The following COL25A1 variants were observed in gnomAD, a reference collection of about 807,000 sequenced individuals.
COL25A1 encodes the protein collagen alpha-1(XXV) chain.
Under a neutral mutation model 128.4 loss-of-function variants are expected in COL25A1, and 103 were observed. The observed-to-expected ratio is 0.80, with a 90% CI of 0.68 to 0.94. The LOEUF is 0.94. Ranked by LOEUF, COL25A1 falls within the 40% of genes least tolerant of loss-of-function variation. The pLI, the probability that COL25A1 is intolerant of heterozygous loss-of-function variation, is 0.00. For missense variants in COL25A1, 745 were observed against 840.0 expected, an observed-to-expected ratio of 0.89 and a Z score of 1.40; for synonymous variants, 279 against 277.2, an observed-to-expected ratio of 1.01 and a Z score of -0.06.
At chr4:108,946,581 T>C (rs1268320398) in intron 8 of COL25A1, among the ~76,000 whole-genome samples, 1 of 152,236 alleles carries the variant, frequency 6.6e-6, no homozygotes, top group African/African-American at 2.4e-5. Flanking sequence ...TACTATGCCA[T>C]GCTCTGGGGA....
chr4:109,116,693 G>A (rs1560719722), intron 3 of COL25A1, among the ~76,000 whole-genome samples: 1 of 152,052 alleles, frequency 6.6e-6, no homozygotes, highest in East Asian at 1.9e-4. Flanking sequence ...TGATAAGAAT[G>A]TTGGAATTAT....
At chr4:109,048,862 A>G (rs1179873547) in intron 4 of COL25A1, among the ~76,000 whole-genome samples, 3 of 152,120 alleles carry the variant, frequency 2.0e-5, no homozygotes, top group African/African-American at 7.2e-5. Flanking sequence ...ATCAAAGATC[A>G]TTTCTATGAT....
intron 14 of COL25A1, 46 bp from the exon 15 acceptor site, chr4:108,899,226 C>G: frequency 6.5e-7 from 1 of 1,535,410 alleles, no homozygotes; most frequent in Non-Finnish European, 8.9e-7. Flanking sequence ...CATAAAACAC[C>G]TAATTTTATT....
At chr4:109,134,886 G>C (rs775713586) in intron 3 of COL25A1, among the ~76,000 whole-genome samples, 1 of 152,082 alleles carries the variant, frequency 6.6e-6, no homozygotes, top group Non-Finnish European at 1.5e-5. Flanking sequence ...TGGATAAAAT[G>C]CAAGTAAGGA....
chr4:108,967,668 C>A (rs1202034515), intron 8 of COL25A1, among the ~76,000 whole-genome samples: 1 of 152,200 alleles, frequency 6.6e-6, no homozygotes, highest in Non-Finnish European at 1.5e-5. Context: ...CCCTGATAAT[C>A]TATCTCTCTG....
At chr4:109,220,420 C>T (rs999444943) in intron 3 of COL25A1, among the ~76,000 whole-genome samples, 1 of 152,114 alleles carries the variant, frequency 6.6e-6, no homozygotes, top group Admixed American at 6.6e-5. Context: ...GCAATTCAAA[C>T]TAGACACAAA....
chr4:108,968,708 T>C (rs1385411238), intron 8 of COL25A1, among the ~76,000 whole-genome samples: 1 of 152,198 alleles, frequency 6.6e-6, no homozygotes, highest in Non-Finnish European at 1.5e-5. Flanking sequence ...TTCAGCTGTG[T>C]AACAGTTACC....
At chr4:109,074,847 A>G (rs547132191) in intron 3 of COL25A1, among the ~76,000 whole-genome samples, 64 of 152,280 alleles carry the variant, frequency 4.2e-4, no homozygotes, top group African/African-American at 1.5e-3. Flanking sequence ...CCACTCAGAC[A>G]CCAGAAAAGC....
At chr4:108,888,168 T>G (rs1741045873) in intron 18 of COL25A1, among the ~76,000 whole-genome samples, 1 of 152,144 alleles carries the variant, frequency 6.6e-6, no homozygotes, top group Non-Finnish European at 1.5e-5. Context: ...AGAGAAATGT[T>G]AAAAGAATGT....
rs140051275 is a variant in COL25A1, at chr4:109,240,266, C to T, written c.367+60317G>A. ...CTATACTTTTGTATGACTGGAAGTG[C>T]AGTAGGTTTGTTTACACCAGCATCA... On this transcript the variant is annotated intron_variant, in intron 3 of 37. Coordinates refer to ENST00000399132, the MANE Select transcript of COL25A1 (RefSeq NM_198721.4). Among the ~76,000 whole-genome samples the T allele has an allele frequency of 5.0e-3, 757 of 152,044 alleles. 2 individuals are homozygous for T. Among genetic ancestry groups the T allele is most frequent in the Non-Finnish European group, 8.1e-3 (553 of 67,974 alleles).
intron 3 of COL25A1, among the ~76,000 whole-genome samples, chr4:109,175,678 G>A (rs545106247): frequency 4.7e-4 from 71 of 152,092 alleles, no homozygotes; most frequent in South Asian, 1.5e-3. Flanking sequence ...ATTGTTCAGC[G>A]AATAAAATAT....
intron 3 of COL25A1, among the ~76,000 whole-genome samples, chr4:109,264,410 G>A (rs188691075): frequency 5.9e-5 from 9 of 152,316 alleles, no homozygotes; most frequent in East Asian, 3.9e-4. Flanking sequence ...TGGAGTGGGG[G>A]AAACTCATTG....
chr4:108,874,436 T>C (rs1294791802), intron 19 of COL25A1, among the ~76,000 whole-genome samples: 1 of 150,824 alleles, frequency 6.6e-6, no homozygotes, highest in African/African-American at 2.4e-5. Context: ...AACATTACTT[T>C]TAATGAAGGA....
At chr4:109,301,653 C>T in intron 2 of COL25A1, 70 bp downstream of exon 2, 2 of 1,529,424 alleles carry the variant, frequency 1.3e-6, no homozygotes, top group South Asian at 1.2e-5. Flanking sequence ...AGGGTAGCGG[C>T]TAGTCATGCA....
At chr4:109,260,402 A>C (rs1387372686) in intron 3 of COL25A1, among the ~76,000 whole-genome samples, 1 of 152,186 alleles carries the variant, frequency 6.6e-6, no homozygotes, top group East Asian at 1.9e-4. Flanking sequence ...ACTCATACAA[A>C]TAACTATTAT....
Position 108,812,460 on chromosome 4 carries a change from C to G in COL25A1, c.*1467G>C, listed in dbSNP as rs555327040. On this transcript the variant is annotated 3_prime_UTR_variant, in exon 38 of 38. Transcript: ENST00000399132. ...GTCAAAACTACTTAAAAATGCATAA[C>G]TTTCATGCTTTACAATGATTAGACT... 1 of 152,252 alleles carries G rather than the reference C, an allele frequency of 6.6e-6. No individual in the cohort carries two copies. Among genetic ancestry groups the G allele is most frequent in the Non-Finnish European group, 1.5e-5 (1 of 68,010 alleles). The allele number at this position is 152,252 out of a possible 1,614,324, so 9.4% of individuals were successfully genotyped here. A position where few individuals can be genotyped will look rare whatever the true frequency, so the allele number is the denominator to read the frequency against.
intron 3 of COL25A1, among the ~76,000 whole-genome samples, chr4:109,148,935 C>A (rs1771207473): frequency 6.6e-6 from 1 of 152,186 alleles, no homozygotes; most frequent in South Asian, 2.1e-4. Flanking sequence ...TCTCCTCTCT[C>A]TATCTTGCAA....
chr4:108,857,552 G>A (rs1736671634), intron 24 of COL25A1, among the ~76,000 whole-genome samples: 1 of 146,900 alleles, frequency 6.8e-6, no homozygotes, highest in South Asian at 2.3e-4. Context: ...AAAATAGGCT[G>A]AGCTGAAAAT....
intron 3 of COL25A1, among the ~76,000 whole-genome samples, chr4:109,188,111 AT>A (rs1314994194): frequency 6.6e-6 from 1 of 152,212 alleles, no homozygotes; most frequent in Non-Finnish European, 1.5e-5. Context: ...CATAATTGCA[AT>A]GTCAACTCTA....
Sources: allele counts gnomAD v4.1 joint callset (sites outside exome capture counted in the v4.1 genomes callset), GRCh38; gene constraint gnomAD v4.1.1; transcripts MANE v1.5; gene names NCBI Gene and HGNC (gene_info 2026-07-23, HGNC 2026-07-21).